The following JAZF1 variants were observed in gnomAD, a reference collection of about 807,000 sequenced individuals.
JAZF1 encodes the protein JAZF zinc finger 1.
In JAZF1, 8 loss-of-function variants were observed where a neutral mutation model predicts 26.4. That is an observed-to-expected ratio of 0.30 (90% CI 0.18 to 0.55). The LOEUF is 0.55. Among genes scored for constraint, JAZF1 ranks in the 20% least tolerant of loss-of-function variants. The pLI is 0.94. For missense variants in JAZF1, 199 were observed against 322.0 expected (o/e 0.62, Z 2.92); for synonymous variants, 126 against 122.3 (o/e 1.03, Z -0.20).
chr7:27,903,413 T>C (rs901939121), intron 2 of JAZF1, among the ~76,000 whole-genome samples: 4 of 152,182 alleles, frequency 2.6e-5, no homozygotes, highest in African/African-American at 9.7e-5. Context: ...CAGGCTAGTT[T>C]TGAACTCCTG....
intron 1 of JAZF1, among the ~76,000 whole-genome samples, chr7:28,099,969 C>A (rs1009956347): frequency 7.2e-5 from 11 of 152,204 alleles, no homozygotes; most frequent in Admixed American, 2.6e-4. Context: ...GAGAGATGCA[C>A]TAAACATCGT....
At chr7:27,853,984 A>G (rs28805873) in intron 3 of JAZF1, among the ~76,000 whole-genome samples, 17,196 of 152,136 alleles carry the variant, frequency 0.11, 1,014 homozygotes, top group African/African-American at 0.13. Flanking sequence ...AAAGTCTCCC[A>G]CTATTGTTGT....
At chr7:27,907,127 G>A (rs185552037) in intron 2 of JAZF1, among the ~76,000 whole-genome samples, 48 of 152,330 alleles carry the variant, frequency 3.2e-4, no homozygotes, top group African/African-American at 8.7e-4. Context: ...AAAAATCTAG[G>A]TTCTGAAGGC....
chr7:28,023,195 C>T lies in JAZF1; in HGVS notation c.116-31214G>A, dbSNP rs577551956. 4.6e-5 allele frequency among the ~76,000 whole-genome samples: 7 copies of T among 152,232 alleles called. No individual in the cohort carries two copies. The East Asian group carries it at 5.8e-4, about 13-fold the overall frequency. On this transcript the variant is annotated intron_variant, in intron 1 of 4. Transcript: ENST00000283928. Reference sequence around the variant, plus strand: ...AGGACTCCATGAAGGAAGACAGAAACGAGTCCAGCCGTGAAGCATTGTAGT... The same window carrying T: ...AGGACTCCATGAAGGAAGACAGAAATGAGTCCAGCCGTGAAGCATTGTAGT...
At position 28,059,894 on chromosome 7, in the gene JAZF1, C is replaced by T. The variant is rs545058309; in HGVS notation, c.116-67913G>A. Among the ~76,000 whole-genome samples, 3 of 152,216 alleles carry T rather than the reference C, an allele frequency of 2.0e-5. No homozygotes were observed. In the South Asian group the frequency reaches 6.2e-4, roughly 32 times the overall value. On this transcript the variant is annotated intron_variant, in intron 1 of 4. Transcript: ENST00000283928. Reference sequence around the variant, plus strand: ...TAAGGGTTTTCTCTTTGTCATGGTGCTCTGCTATTTTACTATGCCATATCT... The same window carrying T: ...TAAGGGTTTTCTCTTTGTCATGGTGTTCTGCTATTTTACTATGCCATATCT...
intron 2 of JAZF1, among the ~76,000 whole-genome samples, chr7:27,989,781 A>G (rs2128364836): frequency 6.6e-6 from 1 of 152,322 alleles, no homozygotes; most frequent in East Asian, 1.9e-4. Context: ...AAGTCAGGAA[A>G]CAACAGGTGC....
At chr7:28,165,647 C>CCCTAGAT (rs775175539) in intron 1 of JAZF1, among the ~76,000 whole-genome samples, 1 of 152,132 alleles carries the variant, frequency 6.6e-6, no homozygotes, top group African/African-American at 2.4e-5. Context: ...AACATTCTTC[C>CCCTAGAT]CCTAGATGCC....
intron 2 of JAZF1, among the ~76,000 whole-genome samples, chr7:27,957,988 T>C (rs946733105): frequency 6.6e-6 from 1 of 152,142 alleles, no homozygotes; most frequent in Admixed American, 6.5e-5. Flanking sequence ...GGTCATCACA[T>C]AGAAACCTTG....
intron 2 of JAZF1, among the ~76,000 whole-genome samples, chr7:27,990,282 C>T (rs576135881): frequency 6.3e-4 from 96 of 151,522 alleles, no homozygotes; most frequent in African/African-American, 1.7e-3. Context: ...CAGAGCCTGT[C>T]GCGAGGTGGG....
chr7:27,941,276 C>G (rs1413135823), intron 2 of JAZF1, among the ~76,000 whole-genome samples: 1 of 152,176 alleles, frequency 6.6e-6, no homozygotes, highest in African/African-American at 2.4e-5. Context: ...CATCCCTTCC[C>G]TTTTTCCTTC....
chr7:27,903,935 A>C (rs1784207247), intron 2 of JAZF1, among the ~76,000 whole-genome samples: 2 of 152,206 alleles, frequency 1.3e-5, no homozygotes, highest in African/African-American at 4.8e-5. Flanking sequence ...CAGCAAAAAC[A>C]AGCTTTTGAG....
chr7:28,031,335 A>G lies in JAZF1; in HGVS notation c.116-39354T>C, dbSNP rs1476631337. Reference sequence around the variant, plus strand: ...TGTGTGTCTAACACAGTGAACGTTCATATAGAACAAACACCGGCATGGTGA... The same window carrying G: ...TGTGTGTCTAACACAGTGAACGTTCGTATAGAACAAACACCGGCATGGTGA... On this transcript the variant is annotated intron_variant, in intron 1 of 4. Coordinates refer to ENST00000283928, the MANE Select transcript of JAZF1 (RefSeq NM_175061.4). Among the ~76,000 whole-genome samples, 3 of 152,162 alleles carry G rather than the reference A, an allele frequency of 2.0e-5. No individual in the cohort carries two copies. The East Asian group carries it at 5.8e-4, about 29-fold the overall frequency.
intron 1 of JAZF1, among the ~76,000 whole-genome samples, chr7:28,123,271 T>G (rs1782634098): frequency 6.6e-6 from 1 of 152,132 alleles, no homozygotes; most frequent in African/African-American, 2.4e-5. Flanking sequence ...CACCCCTTCA[T>G]CGAAGTAAGT....
intron 3 of JAZF1, among the ~76,000 whole-genome samples, chr7:27,885,530 T>C (rs900512514): frequency 6.6e-6 from 1 of 152,244 alleles, no homozygotes; most frequent in African/African-American, 2.4e-5. Flanking sequence ...TGTTGAATTG[T>C]AGGAGTTCCG....
intron 1 of JAZF1, among the ~76,000 whole-genome samples, chr7:28,007,061 C>T (rs1165914065): frequency 6.6e-6 from 1 of 152,200 alleles, no homozygotes; most frequent in East Asian, 1.9e-4. Flanking sequence ...TCTTTAAGTG[C>T]TATCCAGCTA....
chr7:27,886,711 G>A (rs182609343), intron 3 of JAZF1, among the ~76,000 whole-genome samples: 2 of 152,344 alleles, frequency 1.3e-5, no homozygotes, highest in East Asian at 1.9e-4. Flanking sequence ...ATTAAGGGAT[G>A]TAAGTTCTAA....
chr7:27,985,933 A>G (rs1785690307), intron 2 of JAZF1, among the ~76,000 whole-genome samples: 1 of 152,234 alleles, frequency 6.6e-6, no homozygotes, highest in African/African-American at 2.4e-5. Flanking sequence ...TCAATAAACT[A>G]GGTATTGATG....
intron 1 of JAZF1, among the ~76,000 whole-genome samples, chr7:28,122,302 C>G (rs1583572545): frequency 1.3e-5 from 2 of 152,164 alleles, no homozygotes; most frequent in Non-Finnish European, 2.9e-5. Flanking sequence ...TCCTCCCCTG[C>G]AAATAGGACG....
At chr7:27,965,323 G>A (rs1360180009) in intron 2 of JAZF1, among the ~76,000 whole-genome samples, 1 of 152,166 alleles carries the variant, frequency 6.6e-6, no homozygotes, top group Non-Finnish European at 1.5e-5. Context: ...TAAAACTGGT[G>A]ACAGGTATTA....
Sources: allele counts gnomAD v4.1 joint callset (sites outside exome capture counted in the v4.1 genomes callset), GRCh38; gene constraint gnomAD v4.1.1; transcripts MANE v1.5; gene names NCBI Gene and HGNC (gene_info 2026-07-23, HGNC 2026-07-21).